Variants in LRRC49 observed in about 807,000 individuals in gnomAD.
LRRC49 encodes the protein leucine-rich repeat-containing protein 49.
A neutral mutation model predicts 83.3 loss-of-function variants in LRRC49; 50 were observed. That is an observed-to-expected ratio of 0.60 (90% CI 0.48 to 0.76). LRRC49 has a LOEUF of 0.76. Ranked by LOEUF, LRRC49 falls within the 30% of genes least tolerant of loss-of-function variation. The probability of loss-of-function intolerance (pLI) is 0.00; values close to 1 mark genes in which losing one functional copy is unlikely to be tolerated. For missense variants in LRRC49, 704 were observed against 809.1 expected (o/e 0.87, Z 1.58); for synonymous variants, 286 against 283.3 (o/e 1.01, Z -0.10).
rs566011426 is a variant in LRRC49, at chr15:71,000,125, T to C, written c.1170-8254T>C. On this transcript the variant is annotated intron_variant, in intron 11 of 15. Transcript: ENST00000260382. Reference sequence around the variant, plus strand: ...GTTAAGATGCTTCAGAACTCTCTTATTGAAATTCAGCAGTTTTTCTTTTCT... The same window carrying C: ...GTTAAGATGCTTCAGAACTCTCTTACTGAAATTCAGCAGTTTTTCTTTTCT... 1.4e-4 allele frequency among the ~76,000 whole-genome samples: 21 copies of C among 152,370 alleles called. No homozygotes were observed. The South Asian group carries it at 4.1e-3, about 30-fold the overall frequency.
intron 11 of LRRC49, among the ~76,000 whole-genome samples, chr15:70,988,400 T>G (rs952440536): frequency 3.4e-5 from 5 of 149,250 alleles, no homozygotes; most frequent in Non-Finnish European, 6.0e-5. Flanking sequence ...ATGGCCTTCT[T>G]TGTCTCTTTT....
In LRRC49 at chr15:70,958,664, A is replaced by G. The variant is rs145034071; in HGVS notation, c.774-5121A>G. 2.5e-3 allele frequency among the ~76,000 whole-genome samples: 385 copies of G among 152,310 alleles called. 5 individuals are homozygous for G. Among genetic ancestry groups the G allele is most frequent in the African/African-American group, 9.0e-3 (375 of 41,556 alleles). On this transcript the variant is annotated intron_variant, in intron 8 of 15. Transcript: ENST00000260382. ...TTCAAGCTTGTTTATACTTTAAGTG[A>G]TGATTAAGTTTAAATTTATAAACTC...
chr15:71,004,493 T>C (rs533467197), intron 11 of LRRC49, among the ~76,000 whole-genome samples: 1 of 151,988 alleles, frequency 6.6e-6, no homozygotes, highest in African/African-American at 2.4e-5. Flanking sequence ...CTACTAAATA[T>C]ACAAAAATTA....
intron 9 of LRRC49, among the ~76,000 whole-genome samples, chr15:70,968,899 T>G (rs547321363): frequency 3.0e-4 from 46 of 152,316 alleles, no homozygotes; most frequent in African/African-American, 1.1e-3. Flanking sequence ...GTCGGATGGA[T>G]AGATTGCAAA....
At chr15:70,940,137 T>C (rs1243196251) in intron 8 of LRRC49, among the ~76,000 whole-genome samples, 1 of 152,146 alleles carries the variant, frequency 6.6e-6, no homozygotes, top group African/African-American at 2.4e-5. Flanking sequence ...ATTATATTTC[T>C]AGAAAAGAAT....
Position 70,984,172 on chromosome 15 carries a change from A to G in LRRC49, c.1084A>G (p.Asn362Asp). Reference protein sequence around the residue: ...QQQRVANIATNEDRKDSDSPQ... With the variant: ...QQQRVANIATDEDRKDSDSPQ... ...ACAACGAGTAGCCAATATTGCTACA[A>G]ATGAAGATAGAAAAGATTCTGACTC... Residue 362 changes from asparagine to aspartate, a missense_variant, in exon 11 of 16, where the codon AAT becomes GAT. Around this residue, in one of 3 missense-constraint regions of LRRC49, gnomAD observed 168 missense variants for 140.6 expected, o/e 1.20. Transcript: ENST00000260382. 6.2e-7 allele frequency: 1 copy of G among 1,613,424 alleles called. No homozygotes were observed. Among genetic ancestry groups the G allele is most frequent in the East Asian group, 2.2e-5 (1 of 44,836 alleles).
intron 1 of LRRC49, among the ~76,000 whole-genome samples, chr15:70,857,139 G>C (rs1008297132): frequency 2.6e-5 from 4 of 152,130 alleles, no homozygotes; most frequent in African/African-American, 9.7e-5. Flanking sequence ...CATAGCTCCT[G>C]AGGATGAAAC....
intron 7 of LRRC49, 83 bp downstream of exon 7, chr15:70,919,276 A>G: frequency 8.3e-7 from 1 of 1,208,942 alleles, no homozygotes; most frequent in South Asian, 1.7e-5. Flanking sequence ...GGCTTTCTGC[A>G]AAGTAAGAAT....
rs993641212 is a variant in LRRC49 at position 71,051,638 on chromosome 15, G to T, written c.*2026G>T. On this transcript the variant is annotated 3_prime_UTR_variant, in exon 16 of 16. Coordinates refer to ENST00000260382, the MANE Select transcript of LRRC49 (RefSeq NM_017691.5). ...TAGGCTTTGCAGATGAATGGACCTA[G>T]CTGTTTAGTAATCTGTCCAGCTTCC... 1 of 152,230 alleles carries T rather than the reference G, an allele frequency of 6.6e-6. No individual in the cohort carries two copies. Among genetic ancestry groups the T allele is most frequent in the African/African-American group, 2.4e-5 (1 of 41,438 alleles). 9.4% of individuals were successfully genotyped at this position (152,230 alleles called of 1,614,324 possible). A position where few individuals can be genotyped will look rare whatever the true frequency, so the allele number is the denominator to read the frequency against.
intron 11 of LRRC49, among the ~76,000 whole-genome samples, chr15:70,998,939 T>C (rs1197141069): frequency 6.6e-6 from 1 of 152,192 alleles, no homozygotes; most frequent in Non-Finnish European, 1.5e-5. Flanking sequence ...GTTTACTGAT[T>C]CTTTCTTCTG....
At chr15:70,988,059 T>G (rs778941700) in intron 11 of LRRC49, among the ~76,000 whole-genome samples, 6 of 151,920 alleles carry the variant, frequency 3.9e-5, no homozygotes, top group Admixed American at 2.0e-4. Flanking sequence ...CTTCCAACTA[T>G]GTGGTCAATT....
In LRRC49 at chr15:70,950,536, T is replaced by A. The variant is rs527247353; in HGVS notation, c.774-13249T>A. On this transcript the variant is annotated intron_variant, in intron 8 of 15. Coordinates refer to ENST00000260382, the MANE Select transcript of LRRC49 (RefSeq NM_017691.5). ...GTGATGATATGAGCATTTTTTCATATATTTGTTGGCCACATGTATGTCTTC... is the reference window on the plus strand; with the variant it reads ...GTGATGATATGAGCATTTTTTCATAAATTTGTTGGCCACATGTATGTCTTC... Among the ~76,000 whole-genome samples, 112 of 152,340 alleles carry A rather than the reference T, an allele frequency of 7.4e-4. 3 individuals carry two copies. The South Asian group carries it at 0.022, about 30-fold the overall frequency.
intron 14 of LRRC49, among the ~76,000 whole-genome samples, chr15:71,023,379 T>A (rs557402905): frequency 6.6e-6 from 1 of 152,292 alleles, no homozygotes; most frequent in African/African-American, 2.4e-5. Context: ...TCTGTAATTT[T>A]AAAAAAATCA....
intron 14 of LRRC49, among the ~76,000 whole-genome samples, chr15:71,022,328 GTGCAAC>G (rs1297482823): frequency 6.6e-6 from 1 of 152,094 alleles, no homozygotes; most frequent in African/African-American, 2.4e-5. Context: ...AGTTGAGATT[GTGCAAC>G]TGCACCCCAG....
intron 1 of LRRC49, among the ~76,000 whole-genome samples, chr15:70,862,395 C>T (rs1349761927): frequency 2.0e-5 from 3 of 151,708 alleles, no homozygotes; most frequent in Admixed American, 1.3e-4. Flanking sequence ...TGGCTAACAA[C>T]GTGAAACCCC....
intron 9 of LRRC49, among the ~76,000 whole-genome samples, chr15:70,974,758 A>G (rs1000485145): frequency 1.3e-5 from 2 of 152,004 alleles, no homozygotes; most frequent in Admixed American, 1.3e-4. Context: ...AGGATATGAG[A>G]TAGAGATCAC....
chr15:71,018,062 G>A (rs937372060), intron 14 of LRRC49, among the ~76,000 whole-genome samples: 3 of 152,096 alleles, frequency 2.0e-5, no homozygotes, highest in Admixed American at 1.3e-4. Flanking sequence ...AGGAGGAGGA[G>A]GAGGGGGAGA....
At chr15:70,882,434 G>C (rs767922286) in intron 2 of LRRC49, 1 of 1,560,626 alleles carries the variant, frequency 6.4e-7, no homozygotes, top group Non-Finnish European at 8.8e-7. Context: ...TAGCACATCA[G>C]AGCATTTGAT....
intron 8 of LRRC49, among the ~76,000 whole-genome samples, chr15:70,944,171 G>T (rs1474113248): frequency 6.6e-6 from 1 of 152,208 alleles, no homozygotes; most frequent in South Asian, 2.1e-4. Flanking sequence ...TCTTAGTCTT[G>T]AAGCTTATAT....
Sources: allele counts gnomAD v4.1 joint callset (sites outside exome capture counted in the v4.1 genomes callset), GRCh38; gene constraint gnomAD v4.1.1; regional missense constraint gnomAD v4.1.1; transcripts MANE v1.5; gene names NCBI Gene and HGNC (gene_info 2026-07-23, HGNC 2026-07-21).